ASAP2: variants seen among roughly 807,000 people sequenced by gnomAD.
ASAP2 encodes ArfGAP with SH3 domain, ankyrin repeat and PH domain 2, also known as arf-GAP with SH3 domain, ANK repeat and PH domain-containing protein 2.
Under a neutral mutation model 131.4 loss-of-function variants are expected in ASAP2, and 45 were observed. That is an observed-to-expected ratio of 0.34 (90% confidence interval 0.27 to 0.44). ASAP2 has a LOEUF of 0.44. Ranked by LOEUF, ASAP2 falls within the 20% of genes least tolerant of loss-of-function variation. The pLI, the probability that ASAP2 is intolerant of heterozygous loss-of-function variation, is 1.00. For missense variants in ASAP2, 1,011 were observed against 1,297.0 expected, an observed-to-expected ratio of 0.78 and a Z score of 3.39; for synonymous variants, 510 against 503.0, an observed-to-expected ratio of 1.01 and a Z score of -0.19.
At chr2:9,266,343 C>T (rs1482827953) in intron 1 of ASAP2, among the ~76,000 whole-genome samples, 1 of 152,108 alleles carries the variant, frequency 6.6e-6, no homozygotes, top group Non-Finnish European at 1.5e-5. Flanking sequence ...GATGGGGTCT[C>T]ACTGTGTTGC....
intron 1 of ASAP2, among the ~76,000 whole-genome samples, chr2:9,210,717 G>T (rs1661475393): frequency 6.6e-6 from 1 of 152,028 alleles, no homozygotes. Context: ...ACCATGCCCG[G>T]CTAATTTTCT....
chr2:9,347,647 G>A (rs1057057014), intron 11 of ASAP2, among the ~76,000 whole-genome samples: 31 of 152,154 alleles, frequency 2.0e-4, no homozygotes, highest in African/African-American at 7.2e-4. Flanking sequence ...CGGGAGATTC[G>A]TTCAAAGCCC....
intron 25 of ASAP2, among the ~76,000 whole-genome samples, 177 bp downstream of exon 25, chr2:9,400,249 T>TGCCCCCTCCCCTCCTGCCCTCC: frequency 4.6e-5 from 1 of 21,856 alleles, no homozygotes; most frequent in African/African-American, 5.5e-4. Context: ...TCCTGCCCCC[T>TGCCCCCTCCCCTCCTGCCCTCC]TCCCCTCCTG....
intron 3 of ASAP2, among the ~76,000 whole-genome samples, chr2:9,302,619 C>G (rs980553246): frequency 6.6e-6 from 1 of 152,060 alleles, no homozygotes; most frequent in Non-Finnish European, 1.5e-5. Context: ...GGATTATAGG[C>G]GCGAGCCACC....
At chr2:9,359,439 A>T (rs141686039) in intron 15 of ASAP2, among the ~76,000 whole-genome samples, 1 of 152,310 alleles carries the variant, frequency 6.6e-6, no homozygotes, top group African/African-American at 2.4e-5. Context: ...AGACAGAAGC[A>T]TTTTCTGTGA....
At chr2:9,213,920 A>G (rs893686874) in intron 1 of ASAP2, among the ~76,000 whole-genome samples, 3 of 152,208 alleles carry the variant, frequency 2.0e-5, no homozygotes, top group Admixed American at 6.5e-5. Flanking sequence ...TCAATCAAGG[A>G]AAGATTGAAG....
At chr2:9,319,277 C>T (rs4627537) in intron 4 of ASAP2, among the ~76,000 whole-genome samples, 44,749 of 152,124 alleles carry the variant, frequency 0.29, 6,973 homozygotes, top group Non-Finnish European at 0.36. Context: ...GCTGCCTTCT[C>T]GGGAGACTCA....
chr2:9,246,935 G>A (rs1380312895), intron 1 of ASAP2, among the ~76,000 whole-genome samples: 1 of 152,160 alleles, frequency 6.6e-6, no homozygotes, highest in Non-Finnish European at 1.5e-5. Flanking sequence ...TGACCTCCTG[G>A]ACTCAAGCTA....
rs1572523905 is a variant in ASAP2, at chr2:9,351,678, A to G, written c.1111+783A>G. On this transcript the variant is annotated intron_variant, in intron 12 of 27. Transcript: ENST00000281419. ...TGTTCTCTGTGCCTCAGTACCCCTG[A>G]GTGGGAGATGGCTACCTTTTCAAAT... Among the ~76,000 whole-genome samples the G allele has an allele frequency of 2.0e-5, 3 of 152,274 alleles. No homozygotes were observed. The East Asian group carries it at 5.8e-4, about 29-fold the overall frequency.
At chr2:9,244,047 C>T (rs1048653254) in intron 1 of ASAP2, among the ~76,000 whole-genome samples, 5 of 152,086 alleles carry the variant, frequency 3.3e-5, no homozygotes, top group Non-Finnish European at 7.3e-5. Flanking sequence ...TAACGATAAT[C>T]CCAGCACTTT....
At chr2:9,394,791 A>G (rs1675988500) in intron 24 of ASAP2, among the ~76,000 whole-genome samples, 1 of 152,144 alleles carries the variant, frequency 6.6e-6, no homozygotes, top group Admixed American at 6.5e-5. Flanking sequence ...AGGAATTTGG[A>G]TGGTACTGTG....
chr2:9,345,122 C>T (rs970477871), intron 11 of ASAP2, among the ~76,000 whole-genome samples: 1 of 151,906 alleles, frequency 6.6e-6, no homozygotes, highest in Non-Finnish European at 1.5e-5. Flanking sequence ...ATTTAGAAGC[C>T]TGTGACTCCA....
chr2:9,252,234 T>A lies in ASAP2; in HGVS notation c.127-27083T>A, dbSNP rs114488702. 6.8e-4 allele frequency among the ~76,000 whole-genome samples: 103 copies of A among 152,318 alleles called. 2 individuals carry two copies. The highest frequency in any genetic ancestry group is 2.5e-3 in the African/African-American group (103 of 41,578). On this transcript the variant is annotated intron_variant, in intron 1 of 27. Coordinates refer to ENST00000281419, the MANE Select transcript of ASAP2 (RefSeq NM_003887.3). ...TCAGCCTTGAAGGTCAAAGAGCAGATGACAACTGAGAGTAATTGATGAACC... is the reference window on the plus strand; with the variant it reads ...TCAGCCTTGAAGGTCAAAGAGCAGAAGACAACTGAGAGTAATTGATGAACC...
intron 3 of ASAP2, among the ~76,000 whole-genome samples, chr2:9,308,008 T>C (rs1251775968): frequency 2.6e-5 from 4 of 152,152 alleles, no homozygotes; most frequent in Non-Finnish European, 4.4e-5. Flanking sequence ...TCAAGGCAAT[T>C]CTGTGGCCCA....
At chr2:9,388,173 T>C (rs1675434636) in intron 21 of ASAP2, 121 bp from the exon 22 acceptor site, 2 of 1,308,026 alleles carry the variant, frequency 1.5e-6, no homozygotes, top group Non-Finnish European at 2.1e-6. Context: ...AGTTGAGAGC[T>C]CAAATGGTAC....
intron 2 of ASAP2, among the ~76,000 whole-genome samples, chr2:9,288,995 C>A (rs759618078): frequency 2.0e-5 from 3 of 151,780 alleles, no homozygotes; most frequent in Non-Finnish European, 4.4e-5. Flanking sequence ...TGTTACCAGC[C>A]CCCAGAAAAT....
At chr2:9,251,154 G>A (rs1230524389) in intron 1 of ASAP2, among the ~76,000 whole-genome samples, 3 of 152,202 alleles carry the variant, frequency 2.0e-5, no homozygotes, top group Non-Finnish European at 4.4e-5. Flanking sequence ...TAAACAGATC[G>A]CGAAGGAGAT....
intron 16 of ASAP2, among the ~76,000 whole-genome samples, chr2:9,372,946 T>C (rs1674097631): frequency 6.6e-6 from 1 of 152,096 alleles, no homozygotes; most frequent in Non-Finnish European, 1.5e-5. Context: ...TGCCTGGGAA[T>C]TGATTTTTTT....
At position 9,232,971 on chromosome 2, in the gene ASAP2, T is replaced by C. The variant is rs766766369; in HGVS notation, c.126+25741T>C. ...CAGCTGCAGTTTTGTTCTGTATCTA[T>C]TGCCAGCAGGAATCCAAGGATTTCC... On this transcript the variant is annotated intron_variant, in intron 1 of 27. Transcript: ENST00000281419. This position sits in a 1 kb window ranked among gnomAD's most constrained non-coding sequence, Gnocchi z 4.1. Among the ~76,000 whole-genome samples the C allele has an allele frequency of 4.6e-5, 7 of 152,250 alleles. No homozygotes were observed. The highest frequency in any genetic ancestry group is 8.8e-5 in the Non-Finnish European group (6 of 68,038).
Sources: allele counts gnomAD v4.1 joint callset (sites outside exome capture counted in the v4.1 genomes callset), GRCh38; gene constraint gnomAD v4.1.1; non-coding constraint Gnocchi (gnomAD v3.1); transcripts MANE v1.5; gene names NCBI Gene and HGNC (gene_info 2026-07-23, HGNC 2026-07-21).